Variants in AIG1 observed in about 807,000 individuals in gnomAD.
AIG1 encodes the protein androgen induced 1.
Under a neutral mutation model 31.4 loss-of-function variants are expected in AIG1, and 23 were observed. That is an observed-to-expected ratio of 0.73 (90% CI 0.53 to 1.04). The LOEUF is 1.04. Among genes scored for constraint, AIG1 ranks in the 50% least tolerant of loss-of-function variants. AIG1 has a pLI of 0.00. For missense variants in AIG1, 274 were observed against 295.0 expected, an observed-to-expected ratio of 0.93 and a Z score of 0.52; for synonymous variants, 100 against 110.5, an observed-to-expected ratio of 0.90 and a Z score of 0.60.
chr6:143,285,866 G>A (rs1320297466), intron 4 of AIG1, among the ~76,000 whole-genome samples: 3 of 151,934 alleles, frequency 2.0e-5, no homozygotes, highest in East Asian at 3.9e-4. Flanking sequence ...ATAGATTTAT[G>A]TCCTTTATAC....
chr6:143,090,253 A>G lies in AIG1; in HGVS notation c.141+29187A>G, dbSNP rs181319671. Reference sequence around the variant, plus strand: ...CAGTGCTTTAATTTCTTCATCTGAAAATTGGGTTTGATATCTCTATCATCT... The same window carrying G: ...CAGTGCTTTAATTTCTTCATCTGAAGATTGGGTTTGATATCTCTATCATCT... On this transcript the variant is annotated intron_variant, in intron 1 of 5. Transcript: ENST00000357847. Among the ~76,000 whole-genome samples the G allele has an allele frequency of 1.5e-4, 23 of 152,186 alleles. No homozygotes were observed. In the East Asian group the frequency reaches 2.9e-3, roughly 19 times the overall value.
At chr6:143,065,118 T>C (rs896569192) in intron 1 of AIG1, among the ~76,000 whole-genome samples, 1 of 152,180 alleles carries the variant, frequency 6.6e-6, no homozygotes, top group African/African-American at 2.4e-5. Context: ...AACGGTGGAA[T>C]GTTGTAATGT....
At chr6:143,197,226 C>T (rs1350304924) in intron 3 of AIG1, among the ~76,000 whole-genome samples, 7 of 149,616 alleles carry the variant, frequency 4.7e-5, no homozygotes, top group Non-Finnish European at 8.9e-5. Context: ...TACTCTTTTT[C>T]TAACTAAAAT....
intron 3 of AIG1, among the ~76,000 whole-genome samples, chr6:143,220,320 C>T (rs1792374687): frequency 6.6e-6 from 1 of 152,100 alleles, no homozygotes; most frequent in Non-Finnish European, 1.5e-5. Context: ...TTTATGTTTA[C>T]TTGAATCCCT....
At position 143,084,879 on chromosome 6, in the gene AIG1, A is replaced by ATC. The variant is rs1286657121; in HGVS notation, c.141+23813_141+23814insTC. ...ATTCTGCATCCTAATGAGGGTCTAC[A>ATC]CTGGGAAGTGCTTGCTGGCCAGTGG... On this transcript the variant is annotated intron_variant, in intron 1 of 5. Transcript: ENST00000357847. Among the ~76,000 whole-genome samples the ATC allele has an allele frequency of 2.6e-5, 4 of 152,148 alleles. No individual in the cohort carries two copies. In the East Asian group the frequency reaches 7.7e-4, roughly 29 times the overall value.
chr6:143,121,458 A>AAGATCATTTATCTTCCTTTCCCTT (rs1363020388), intron 1 of AIG1, among the ~76,000 whole-genome samples: 2 of 152,084 alleles, frequency 1.3e-5, no homozygotes. Flanking sequence ...TTTTTTCCCA[A>AAGATCATTTATCTTCCTTTCCCTT]AGATCATTTA....
At chr6:143,193,883 G>C (rs539149403) in intron 3 of AIG1, among the ~76,000 whole-genome samples, 1 of 152,290 alleles carries the variant, frequency 6.6e-6, no homozygotes, top group Admixed American at 6.5e-5. Context: ...AGAATTTCAG[G>C]GGTTTAGGAG....
chr6:143,188,657 TAATA>T (rs930397349), intron 3 of AIG1: 5 of 984,382 alleles, frequency 5.1e-6, no homozygotes, highest in Non-Finnish European at 4.8e-6. Flanking sequence ...TTTTAACAAA[TAATA>T]AATAAATAAA....
intron 1 of AIG1, among the ~76,000 whole-genome samples, chr6:143,115,729 T>C (rs186213287): frequency 9.2e-5 from 14 of 152,360 alleles, no homozygotes; most frequent in Admixed American, 8.5e-4. Flanking sequence ...AGTAAGCACC[T>C]GTAGTTGATC....
chr6:143,085,635 T>C (rs1396851509), intron 1 of AIG1, among the ~76,000 whole-genome samples: 11 of 152,334 alleles, frequency 7.2e-5, no homozygotes, highest in African/African-American at 2.6e-4. Flanking sequence ...GGTAACCTTT[T>C]GAGTCAGGAT....
At chr6:143,148,930 G>A (rs1784936093) in intron 2 of AIG1, among the ~76,000 whole-genome samples, 1 of 152,096 alleles carries the variant, frequency 6.6e-6, no homozygotes, top group African/African-American at 2.4e-5. Context: ...CGTTGCCTGT[G>A]GTATTCAGTA....
intron 3 of AIG1, among the ~76,000 whole-genome samples, chr6:143,240,914 C>A (rs1169289857): frequency 2.6e-5 from 4 of 152,086 alleles, no homozygotes; most frequent in African/African-American, 9.7e-5. Flanking sequence ...ACTTAAAGGA[C>A]TTCCATGAAG....
chr6:143,083,259 G>T (rs1489478615), intron 1 of AIG1, among the ~76,000 whole-genome samples: 1 of 152,208 alleles, frequency 6.6e-6, no homozygotes, highest in African/African-American at 2.4e-5. Context: ...GCAGCTAGAA[G>T]TAAATCATCC....
At chr6:143,199,172 T>C (rs1378972397) in intron 3 of AIG1, among the ~76,000 whole-genome samples, 1 of 152,202 alleles carries the variant, frequency 6.6e-6, no homozygotes, top group Non-Finnish European at 1.5e-5. Flanking sequence ...AATAAAATGA[T>C]TGCAATGAAT....
At position 143,201,378 on chromosome 6, in the gene AIG1, A is replaced by G. The variant is rs182482188; in HGVS notation, c.399+36195A>G. ...TTTCAAAAAAAAAAAAATCTTAAAA[A>G]TTAAAAAGGTAAATCTTTCTGATGT... On this transcript the variant is annotated intron_variant, in intron 3 of 5. Transcript: ENST00000357847. 5.3e-3 allele frequency among the ~76,000 whole-genome samples: 807 copies of G among 152,296 alleles called. 7 individuals are homozygous for G. The highest frequency in any genetic ancestry group is 0.031 in the Middle Eastern group (9 of 294).
chr6:143,233,106 AC>A (rs1355298805), intron 3 of AIG1, among the ~76,000 whole-genome samples: 4 of 151,738 alleles, frequency 2.6e-5, no homozygotes, highest in Non-Finnish European at 5.9e-5. Flanking sequence ...TCACTTCTGG[AC>A]CCCTGGGATC....
intron 4 of AIG1, among the ~76,000 whole-genome samples, chr6:143,312,039 A>G (rs1425738313): frequency 6.6e-6 from 1 of 151,996 alleles, no homozygotes; most frequent in Admixed American, 6.6e-5. Context: ...ACTATAAAAC[A>G]TGGTGAAAGA....
At chr6:143,295,653 C>T (rs1461024513) in intron 4 of AIG1, among the ~76,000 whole-genome samples, 2 of 152,098 alleles carry the variant, frequency 1.3e-5, no homozygotes, top group East Asian at 1.9e-4. Context: ...TCTTTCAGGC[C>T]TCAACTTAAC....
chr6:143,317,212 A>C (rs1775829658), intron 4 of AIG1, among the ~76,000 whole-genome samples: 1 of 152,166 alleles, frequency 6.6e-6, no homozygotes. Context: ...ACAACAAAAA[A>C]AGAAAACTAC....
Sources: allele counts gnomAD v4.1 joint callset (sites outside exome capture counted in the v4.1 genomes callset), GRCh38; gene constraint gnomAD v4.1.1; transcripts MANE v1.5; gene names NCBI Gene and HGNC (gene_info 2026-07-23, HGNC 2026-07-21).